GLP1R: variants seen among roughly 807,000 people sequenced by gnomAD.
GLP1R encodes the protein glucagon like peptide 1 receptor.
GLP1R carries 32 observed loss-of-function variants against 68.4 expected under a neutral mutation model. The observed-to-expected ratio is 0.47, with a 90% CI of 0.35 to 0.63. The LOEUF (loss-of-function observed/expected upper bound fraction) is 0.63, where lower values mean the gene tolerates loss of function less well. Ranked by LOEUF, GLP1R falls within the 20% of genes least tolerant of loss-of-function variation. The pLI, the probability that GLP1R is intolerant of heterozygous loss-of-function variation, is 0.00. For synonymous variants in GLP1R, 263 were observed against 244.4 expected (o/e 1.08, Z -0.71); for missense variants, 502 against 594.9 (o/e 0.84, Z 1.62).
chr6:39,083,164 G>A lies in GLP1R; in HGVS notation c.1224+2425G>A, dbSNP rs368036323. ...TACAGACCCCAGCTAGCATCTCCCC[G>A]TGGATCTTCCAGGCTAGTGCCACGG... On this transcript the variant is annotated intron_variant, in intron 12 of 12. Coordinates refer to ENST00000373256, the MANE Select transcript of GLP1R (RefSeq NM_002062.5). 1.4e-4 allele frequency among the ~76,000 whole-genome samples: 21 copies of A among 152,266 alleles called. No homozygotes were observed. In the South Asian group the frequency reaches 3.7e-3, roughly 27 times the overall value.
intron 2 of GLP1R, 84 bp downstream of exon 2, chr6:39,056,577 T>G: frequency 1.4e-6 from 1 of 729,382 alleles, no homozygotes; most frequent in Admixed American, 2.1e-5. Flanking sequence ...TGTCCATGGC[T>G]GGGAGCCATT....
intron 3 of GLP1R, among the ~76,000 whole-genome samples, chr6:39,065,002 G>C (rs1768464310): frequency 6.6e-6 from 1 of 152,170 alleles, no homozygotes; most frequent in Non-Finnish European, 1.5e-5. Flanking sequence ...GAAGGTAGGA[G>C]CTGGGTATTC....
chr6:39,052,727 A>C (rs563446945), intron 1 of GLP1R, among the ~76,000 whole-genome samples: 2 of 152,144 alleles, frequency 1.3e-5, no homozygotes, highest in African/African-American at 4.8e-5. Flanking sequence ...AGAAGTCACA[A>C]AGATTTTCAC....
At chr6:39,053,908 A>G (rs576861600) in intron 1 of GLP1R, among the ~76,000 whole-genome samples, 4 of 152,022 alleles carry the variant, frequency 2.6e-5, no homozygotes, top group African/African-American at 9.6e-5. Flanking sequence ...GCCCCAAAAA[A>G]TCCTCCTGAT....
At chr6:39,050,370 T>G (rs1383106232) in intron 1 of GLP1R, among the ~76,000 whole-genome samples, 1 of 152,048 alleles carries the variant, frequency 6.6e-6, no homozygotes, top group Non-Finnish European at 1.5e-5. Flanking sequence ...GGTTTACAGG[T>G]CTGGTTTGAA....
intron 12 of GLP1R, among the ~76,000 whole-genome samples, chr6:39,083,135 T>G (rs1014050730): frequency 1.3e-5 from 2 of 152,174 alleles, no homozygotes; most frequent in Non-Finnish European, 2.9e-5. Flanking sequence ...TGACCAGGCC[T>G]GGCTACAGAC....
intron 3 of GLP1R, among the ~76,000 whole-genome samples, chr6:39,060,075 G>A (rs1364782588): frequency 1.3e-5 from 2 of 152,106 alleles, no homozygotes; most frequent in Non-Finnish European, 2.9e-5. Flanking sequence ...CTCACTCCCT[G>A]AGTTACGGAT....
At chr6:39,058,227 G>C (rs1768266114) in intron 3 of GLP1R, among the ~76,000 whole-genome samples, 1 of 152,210 alleles carries the variant, frequency 6.6e-6, no homozygotes, top group Admixed American at 6.5e-5. Context: ...CAGGGTGTCT[G>C]CTGTGTGTAT....
intron 3 of GLP1R, among the ~76,000 whole-genome samples, chr6:39,060,085 T>C (rs904069821): frequency 1.3e-5 from 2 of 152,196 alleles, no homozygotes; most frequent in Non-Finnish European, 2.9e-5. Context: ...GAGTTACGGA[T>C]GCTCAGAGAC....
rs1030031057 is a variant in GLP1R at position 39,065,606 on chromosome 6, G to T, written c.284-105G>T. The T allele has an allele frequency of 4.7e-5, 31 of 662,262 alleles. No homozygotes were observed. In the East Asian group the frequency reaches 7.7e-4, roughly 16 times the overall value. 41.0% of individuals were successfully genotyped at this position (662,262 alleles called of 1,614,324 possible). A position where few individuals can be genotyped will look rare whatever the true frequency, so the allele number is the denominator to read the frequency against. ...CACTAACTCAGAGTAGTCCATTCTG[G>T]GGGAGCAGGGATAGCCCTCAGAATG... On this transcript the variant is annotated intron_variant, in intron 3 of 12. Coordinates refer to ENST00000373256, the MANE Select transcript of GLP1R (RefSeq NM_002062.5).
At chr6:39,063,028 T>C (rs932241531) in intron 3 of GLP1R, among the ~76,000 whole-genome samples, 1 of 152,202 alleles carries the variant, frequency 6.6e-6, no homozygotes, top group Non-Finnish European at 1.5e-5. Context: ...CTGTGGGAAG[T>C]GCATCTTACT....
chr6:39,072,014 A>C (rs1230681346), intron 5 of GLP1R, among the ~76,000 whole-genome samples: 2 of 152,256 alleles, frequency 1.3e-5, no homozygotes, highest in African/African-American at 4.8e-5. Flanking sequence ...TTAATTAAAA[A>C]TATTGCAAAA....
chr6:39,068,142 A>C (rs534343699), intron 5 of GLP1R, among the ~76,000 whole-genome samples: 19 of 152,326 alleles, frequency 1.2e-4, no homozygotes, highest in African/African-American at 4.6e-4. Flanking sequence ...AAAAGAGAGA[A>C]ATAGGAAGGA....
chr6:39,073,071 C>A (rs555133578), intron 6 of GLP1R, 56 bp downstream of exon 6: 4 of 1,481,634 alleles, frequency 2.7e-6, no homozygotes, highest in East Asian at 2.3e-5. Context: ...AGGAGGCCTG[C>A]CTCTGCCACC....
chr6:39,066,269 C>T lies in GLP1R; in HGVS notation c.475C>T (p.Leu159=). Residue 159 remains leucine, a synonymous_variant, in exon 5 of 13, where the codon CTG becomes TTG. Transcript: ENST00000373256. The stretch of plus-strand genomic sequence containing the variant: ...GGGCTACGCACTCTCCTTCTCTGCT[C>T]TGGTTATCGCCTCTGCGATCCTCCT... ...TVGYALSFSA[L]VIASAILLGF... 6.2e-7 allele frequency: 1 copy of T among 1,612,366 alleles called. No homozygotes were observed. The highest frequency in any genetic ancestry group is 8.5e-7 in the Non-Finnish European group (1 of 1,178,406).
chr6:39,070,787 T>C (rs1351065933), intron 5 of GLP1R, among the ~76,000 whole-genome samples: 1 of 152,218 alleles, frequency 6.6e-6, no homozygotes, highest in East Asian at 1.9e-4. Flanking sequence ...ATTTGGGTTT[T>C]TCTTTTCTAT....
chr6:39,050,717 A>C (rs11964854), intron 1 of GLP1R, among the ~76,000 whole-genome samples: 29,897 of 152,154 alleles, frequency 0.2, 3,537 homozygotes, highest in Non-Finnish European at 0.27. Flanking sequence ...TATAAGACTA[A>C]AAAATAGTGT....
rs10305518 is a variant in GLP1R at position 39,087,236 on chromosome 6, T to G, written c.*1163T>G. The G allele has an allele frequency of 0.074, 11,298 of 152,248 alleles. 527 individuals carry two copies. Among genetic ancestry groups the G allele is most frequent in the African/African-American group, 0.12 (4,780 of 41,524 alleles). 9.4% of individuals were successfully genotyped at this position (152,248 alleles called of 1,614,324 possible). ...GGCAATTCTGACTTCTCCCATCTAG[T>G]GGAAATGAGCGAAATCATGGTTGTA... On this transcript the variant is annotated 3_prime_UTR_variant, in exon 13 of 13. Transcript: ENST00000373256.
chr6:39,059,377 A>G (rs1387111631), intron 3 of GLP1R, among the ~76,000 whole-genome samples: 1 of 152,098 alleles, frequency 6.6e-6, no homozygotes, highest in Non-Finnish European at 1.5e-5. Flanking sequence ...TGCTACACCA[A>G]AGTCTTCCTT....
Sources: allele counts gnomAD v4.1 joint callset (sites outside exome capture counted in the v4.1 genomes callset), GRCh38; gene constraint gnomAD v4.1.1; transcripts MANE v1.5; gene names NCBI Gene and HGNC (gene_info 2026-07-23, HGNC 2026-07-21).